The following NAV3 variants were observed in gnomAD, a reference collection of about 807,000 sequenced individuals.
The protein encoded by NAV3 is pore membrane and/or filament interacting like protein 1.
NAV3 carries 87 observed loss-of-function variants against 244.7 expected under a neutral mutation model. The ratio of observed to expected loss-of-function variants is 0.36; its 90% CI spans 0.30 to 0.42. The LOEUF is 0.42. NAV3 is among the 20% of genes least tolerant of loss of function. The probability of loss-of-function intolerance (pLI) is 1.00; values close to 1 mark genes in which losing one functional copy is unlikely to be tolerated. For missense variants in NAV3, 2,663 were observed against 2,893.3 expected (o/e 0.92, Z 1.83); for synonymous variants, 1,126 against 1,042.2 (o/e 1.08, Z -1.55).
At chr12:77,657,988 C>T (rs1160319705) in intron 2 of NAV3, among the ~76,000 whole-genome samples, 37 of 152,172 alleles carry the variant, frequency 2.4e-4, no homozygotes, top group African/African-American at 7.9e-4. Context: ...ATGACAAACC[C>T]ACAGCCAATA....
intron 2 of NAV3, among the ~76,000 whole-genome samples, chr12:77,576,706 G>A (rs1166822221): frequency 1.3e-5 from 2 of 151,828 alleles, no homozygotes; most frequent in African/African-American, 4.8e-5. Flanking sequence ...GTTTATGTTG[G>A]AAACTAATTA....
At chr12:77,984,435 T>G (rs1018111220) in intron 5 of NAV3, among the ~76,000 whole-genome samples, 1 of 152,010 alleles carries the variant, frequency 6.6e-6, no homozygotes, top group African/African-American at 2.4e-5. Flanking sequence ...TCACACAGGA[T>G]TCATTAGAAT....
At chr12:77,875,710 A>G (rs551829795) in intron 1 of NAV3, among the ~76,000 whole-genome samples, 222 of 152,198 alleles carry the variant, frequency 1.5e-3, no homozygotes, top group Non-Finnish European at 2.2e-3. Context: ...TATTTAGCCT[A>G]TGTGTAAATA....
chr12:78,053,465 C>T (rs1257034396), intron 11 of NAV3, among the ~76,000 whole-genome samples: 1 of 152,076 alleles, frequency 6.6e-6, no homozygotes, highest in Non-Finnish European at 1.5e-5. Flanking sequence ...ACGTAAGTCT[C>T]TCTTTAAAGA....
chr12:77,766,799 G>T (rs567700827), intron 2 of NAV3, among the ~76,000 whole-genome samples: 1 of 127,400 alleles, frequency 7.8e-6, no homozygotes, highest in African/African-American at 3.0e-5. Context: ...TGTCACCCAG[G>T]CTGGAGTATA....
intron 2 of NAV3, among the ~76,000 whole-genome samples, chr12:77,754,424 C>G (rs1338373528): frequency 6.6e-6 from 1 of 152,160 alleles, no homozygotes; most frequent in African/African-American, 2.4e-5. Context: ...TACCATTTCC[C>G]CACATTGGCT....
chr12:77,991,133 C>T (rs1017343568), intron 5 of NAV3, among the ~76,000 whole-genome samples: 1 of 152,158 alleles, frequency 6.6e-6, no homozygotes, highest in African/African-American at 2.4e-5. Context: ...TCAAGCAATT[C>T]TCCTGCCTCA....
chr12:78,050,962 G>A lies in NAV3; in HGVS notation c.2331G>A (p.Ser777=), dbSNP rs754207424. 2 of 1,614,020 alleles carry A rather than the reference G, an allele frequency of 1.2e-6. No individual in the cohort carries two copies. The highest frequency in any genetic ancestry group is 1.7e-6 in the Non-Finnish European group (2 of 1,180,012). ...GTCGATTCATCCACACAGACCCCTC[G>A]AGGTTCATGTATACCACGCCTCTCC... ...GTSRFIHTDP[S]RFMYTTPLRR... Residue 777 remains serine, a synonymous_variant, in exon 11 of 40, where the codon TCG becomes TCA. Transcript: ENST00000397909.
At chr12:77,581,294 G>C (rs1042272823) in intron 2 of NAV3, among the ~76,000 whole-genome samples, 10 of 151,840 alleles carry the variant, frequency 6.6e-5, no homozygotes, top group African/African-American at 2.4e-4. Context: ...ATTGTGCTCT[G>C]ATTTAAATCT....
intron 1 of NAV3, among the ~76,000 whole-genome samples, chr12:77,936,683 A>T (rs1192276954): frequency 2.6e-5 from 4 of 152,192 alleles, no homozygotes; most frequent in Non-Finnish European, 5.9e-5. Flanking sequence ...GTGATAATGA[A>T]CTGAGGGCAA....
At chr12:77,793,251 G>T (rs755443654) in intron 2 of NAV3, among the ~76,000 whole-genome samples, 3 of 152,062 alleles carry the variant, frequency 2.0e-5, no homozygotes, top group Non-Finnish European at 4.4e-5. Context: ...TCATTGAAAA[G>T]GTGGTATTTT....
intron 24 of NAV3, among the ~76,000 whole-genome samples, chr12:78,171,297 A>G (rs1402977838): frequency 6.6e-6 from 1 of 151,664 alleles, no homozygotes; most frequent in Admixed American, 6.6e-5. Flanking sequence ...ATAGGTCCAG[A>G]AGGGATTTAA....
At chr12:77,984,538 T>C (rs920962387) in intron 5 of NAV3, among the ~76,000 whole-genome samples, 1 of 151,698 alleles carries the variant, frequency 6.6e-6, no homozygotes, top group African/African-American at 2.4e-5. Context: ...TTCTAAGTGA[T>C]CTGCAATTTG....
chr12:77,908,108 T>C (rs1301115172), intron 1 of NAV3, among the ~76,000 whole-genome samples: 2 of 152,114 alleles, frequency 1.3e-5, no homozygotes, highest in Admixed American at 1.3e-4. Context: ...TATTTTATTA[T>C]TTTAAAACAT....
chr12:77,737,809 T>G (rs1319215957), intron 2 of NAV3, among the ~76,000 whole-genome samples: 3 of 152,218 alleles, frequency 2.0e-5, no homozygotes, highest in African/African-American at 7.2e-5. Flanking sequence ...GTTCTAGACA[T>G]ATGTGTGTTT....
chr12:77,710,128 A>T (rs1876035884), intron 2 of NAV3, among the ~76,000 whole-genome samples: 1 of 152,206 alleles, frequency 6.6e-6, no homozygotes, highest in Admixed American at 6.5e-5. Flanking sequence ...GATTATTCTT[A>T]TTAGGGCGTG....
At chr12:77,863,301 A>G (rs1879526580) in intron 1 of NAV3, among the ~76,000 whole-genome samples, 1 of 151,886 alleles carries the variant, frequency 6.6e-6, no homozygotes, top group South Asian at 2.1e-4. Context: ...TAAACCGTCT[A>G]TATTTGAAAT....
upstream of NAV3, among the ~76,000 whole-genome samples, chr12:77,830,118 A>G (rs1873448233): frequency 6.6e-6 from 1 of 152,210 alleles, no homozygotes; most frequent in Admixed American, 6.5e-5. Flanking sequence ...AGTTCCTGAC[A>G]TGCTTTAACC....
chr12:77,858,166 G>A (rs1452888484), intron 1 of NAV3, among the ~76,000 whole-genome samples: 1 of 151,894 alleles, frequency 6.6e-6, no homozygotes, highest in Non-Finnish European at 1.5e-5. Context: ...AAACACAATC[G>A]CTTATAATAT....
Sources: gnomAD v4.1 joint callset for allele counts (sites outside exome capture counted in the v4.1 genomes callset) on GRCh38, gnomAD v4.1.1 for gene constraint, MANE v1.5 for transcripts, NCBI Gene and HGNC (gene_info 2026-07-23, HGNC 2026-07-21) for gene names.